The following ZNF469 variants were observed in gnomAD, a reference collection of about 807,000 sequenced individuals.
ZNF469 encodes zinc finger protein 469.
A neutral mutation model predicts 1.0 loss-of-function variants in ZNF469; 1 was observed. That is an observed-to-expected ratio of 1.00 (90% CI 0.35 to 4.73). The LOEUF is 4.73. ZNF469 is among the 30% of genes most tolerant of loss of function. The pLI is 0.16. For missense variants in ZNF469, 6,100 were observed against 5,356.3 expected (o/e 1.14, Z -4.33); for synonymous variants, 2,703 against 2,363.4 (o/e 1.14, Z -4.17).
chr16:88,381,244 AC>A (rs1401615942), upstream of ZNF469, among the ~76,000 whole-genome samples: 3 of 148,496 alleles, frequency 2.0e-5, no homozygotes, highest in African/African-American at 7.5e-5. Flanking sequence ...GCACTCACAG[AC>A]ATGCACTCAC....
chr16:88,434,545 G>C lies in ZNF469; in HGVS notation c.7075G>C (p.Gly2359Arg). The stretch of plus-strand genomic sequence containing the variant: ...TGAGCCTCCCACGCTACAGGGTGCA[G>C]GGCCGGACTCCCCCGCCTGCCTGGA... The part of the protein sequence containing the change: ...PTEPPTLQGA[G>R]PDSPACLEGE... Residue 2359 changes from glycine (G) to arginine (R), a missense_variant, in exon 3 of 3, where the codon GGG becomes CGG. Coordinates refer to ENST00000565624, the MANE Select transcript of ZNF469 (RefSeq NM_001367624.2). 1 of 1,550,368 alleles carries C rather than the reference G, an allele frequency of 6.5e-7. No individual in the cohort carries two copies. Among genetic ancestry groups the C allele is most frequent in the Non-Finnish European group, 8.7e-7 (1 of 1,146,966 alleles).
rs1218543335 is a variant in ZNF469 at position 88,429,812 on chromosome 16, G to A, written c.2342G>A (p.Arg781Lys). ...CTCCCCTCGCCCCCCGCTGCCCCCA[G>A]AGTCCCTGCCGACGCACACGCGGGC... Reference protein sequence around the residue: ...PGLPSPPAAPRVPADAHAGLL... With the variant: ...PGLPSPPAAPKVPADAHAGLL... Residue 781 changes from arginine to lysine, a missense_variant, in exon 3 of 3, where the codon AGA becomes AAA. Arg to Lys is a conservative substitution (Grantham distance 26). Transcript: ENST00000565624. 6.5e-7 allele frequency: 1 copy of A among 1,546,088 alleles called. No homozygotes were observed. The highest frequency in any genetic ancestry group is 2.5e-5 in the East Asian group (1 of 40,790).
Position 88,430,787 on chromosome 16 carries a change from C to CGCGGGGCCCCGGCTTCAGAGGCCG in ZNF469, c.3326_3349dup (p.Pro1109_Gly1116dup). On this transcript the variant is annotated inframe_insertion, in exon 3 of 3. Coordinates refer to ENST00000565624, the MANE Select transcript of ZNF469 (RefSeq NM_001367624.2). ...TCCGAGGAGGACGAGCAGCCTCCGCCGCGGGGCCCCGGCTTCAGAGGCCGG... is the reference window on the plus strand; with the variant it reads ...TCCGAGGAGGACGAGCAGCCTCCGCCGCGGGGCCCCGGCTTCAGAGGCCGGCGGGGCCCCGGCTTCAGAGGCCGG... The CGCGGGGCCCCGGCTTCAGAGGCCG allele has an allele frequency of 1.3e-6, 2 of 1,526,062 alleles. No individual in the cohort carries two copies. Among genetic ancestry groups the CGCGGGGCCCCGGCTTCAGAGGCCG allele is most frequent in the South Asian group, 1.2e-5 (1 of 83,168 alleles). 94.5% of individuals were successfully genotyped at this position (1,526,062 alleles called of 1,614,324 possible). A position where few individuals can be genotyped will look rare whatever the true frequency, so the allele number is the denominator to read the frequency against.
the ZNF469 span, among the ~76,000 whole-genome samples, chr16:88,254,586 C>T: frequency 7.2e-5 from 11 of 152,014 alleles, no homozygotes; most frequent in African/African-American, 2.4e-5. Flanking sequence ...GATGAAACCC[C>T]GTCTCTACTA....
Position 88,430,632 on chromosome 16 carries a change from C to A in ZNF469, c.3162C>A (p.Ile1054=). The change falls in exon 3 of 3, where the codon ATC becomes ATA. Residue 1054 remains isoleucine (I), a synonymous_variant. Coordinates refer to ENST00000565624, the MANE Select transcript of ZNF469 (RefSeq NM_001367624.2). The part of the protein sequence containing the change: ...GAWGKELILK[I]VQQKNRRHRR... ...GGGGCAAGGAGCTCATTCTGAAGAT[C>A]GTGCAGCAGAAGAACAGGCGCCACC... The A allele has an allele frequency of 2.0e-6, 3 of 1,499,044 alleles. No individual in the cohort carries two copies. The highest frequency in any genetic ancestry group is 2.1e-5 in the Admixed American group (1 of 47,440). 92.9% of individuals were successfully genotyped at this position (1,499,044 alleles called of 1,614,324 possible). A position where few individuals can be genotyped will look rare whatever the true frequency, so the allele number is the denominator to read the frequency against.
In ZNF469 at chr16:88,436,261, C is replaced by T; in HGVS notation, c.8791C>T (p.Pro2931Ser). ...CHEDPWEDED[P>S]AGLPESFLLD... Reference sequence around the variant, plus strand: ...TGAGGACCCGTGGGAGGACGAGGATCCCGCAGGTCTGCCCGAGTCCTTCCT... The same window carrying T: ...TGAGGACCCGTGGGAGGACGAGGATTCCGCAGGTCTGCCCGAGTCCTTCCT... Residue 2931 changes from proline to serine, a missense_variant, in exon 3 of 3, where the codon CCC (proline) becomes TCC (serine). Transcript: ENST00000565624. 6.5e-7 allele frequency: 1 copy of T among 1,549,900 alleles called. No homozygotes were observed. Among genetic ancestry groups the T allele is most frequent in the Non-Finnish European group, 8.7e-7 (1 of 1,146,876 alleles).
chr16:88,349,780 AGTGC>A, the ZNF469 span, among the ~76,000 whole-genome samples: 1 of 146,468 alleles, frequency 6.8e-6, no homozygotes, highest in Non-Finnish European at 1.5e-5. Context: ...CACCAACACA[AGTGC>A]ACACACACCA....
chr16:88,320,900 C>T, the ZNF469 span, among the ~76,000 whole-genome samples: 1 of 152,248 alleles, frequency 6.6e-6, no homozygotes, highest in Non-Finnish European at 1.5e-5. Flanking sequence ...CCCCCTCAGA[C>T]TCTGCAAGTG....
chr16:88,283,546 G>C, the ZNF469 span, among the ~76,000 whole-genome samples: 4 of 152,332 alleles, frequency 2.6e-5, no homozygotes, highest in East Asian at 7.7e-4. Flanking sequence ...CAACTTTTCT[G>C]TGTGTTTGAA....
At chr16:88,230,728 A>AC in the ZNF469 span, among the ~76,000 whole-genome samples, 4 of 58,300 alleles carry the variant, frequency 6.9e-5, no homozygotes, top group Non-Finnish European at 1.8e-4. Context: ...GCCTCCGGGG[A>AC]CCCCCCCTAG....
At chr16:88,240,964 C>T in the ZNF469 span, among the ~76,000 whole-genome samples, 2 of 152,232 alleles carry the variant, frequency 1.3e-5, no homozygotes, top group African/African-American at 4.8e-5. Context: ...GCGGAAACCC[C>T]ATCTTCCTGC....
At chr16:88,395,438 A>C (rs547462061) in intron 1 of ZNF469, among the ~76,000 whole-genome samples, 135 of 152,306 alleles carry the variant, frequency 8.9e-4, no homozygotes, top group Non-Finnish European at 1.6e-3. Flanking sequence ...TATTGTGTGT[A>C]TACTTATGTA....
chr16:88,199,941 C>G, the ZNF469 span, among the ~76,000 whole-genome samples: 1 of 152,208 alleles, frequency 6.6e-6, no homozygotes, highest in Non-Finnish European at 1.5e-5. Context: ...CCCTTCTCTA[C>G]CAGGCAGGGC....
Position 88,431,469 on chromosome 16 carries a change from C to G in ZNF469, c.3999C>G (p.Asn1333Lys), listed in dbSNP as rs1004296840. The change falls in exon 3 of 3, where the codon AAC (asparagine) becomes AAG (lysine). Residue 1333 changes from asparagine to lysine, a missense_variant. Physicochemically the swap from Asn to Lys is moderately conservative, Grantham distance 94. Coordinates refer to ENST00000565624, the MANE Select transcript of ZNF469 (RefSeq NM_001367624.2). ...GAGAATTTCTGGCACCCGTGGCTAA[C>G]CCCTCAAGTACCGCCTGCCCCAAAC... ...QPGEFLAPVA[N>K]PSSTACPKPS... 1.3e-6 allele frequency: 2 copies of G among 1,550,398 alleles called. No homozygotes were observed. Among genetic ancestry groups the G allele is most frequent in the Admixed American group, 3.9e-5 (2 of 51,016 alleles).
chr16:88,241,465 G>T, the ZNF469 span, among the ~76,000 whole-genome samples: 1 of 152,170 alleles, frequency 6.6e-6, no homozygotes, highest in Non-Finnish European at 1.5e-5. The surrounding 1 kb of genome is among the most constrained non-coding windows in gnomAD (Gnocchi z 4.8). Context: ...TGGTGGCTGA[G>T]CTCTGGGGAC....
the ZNF469 span, among the ~76,000 whole-genome samples, chr16:88,289,032 AATG>A: frequency 7.2e-3 from 1,094 of 151,064 alleles, 16 homozygotes; most frequent in African/African-American, 0.025. Context: ...TGAGGGTGAT[AATG>A]ATAACAGTGA....
chr16:88,428,900 C>T lies in ZNF469; in HGVS notation c.1430C>T (p.Pro477Leu), dbSNP rs1336355924. 2.5e-5 allele frequency: 39 copies of T among 1,546,900 alleles called. No homozygotes were observed. The Admixed American group carries it at 4.1e-4, about 16-fold the overall frequency. ...AGCCCAGGCCAGCGGCTCTGCCTCC[C>T]CCAGAGTGCCCCCCTGCCTTGGCCC... is the stretch of plus-strand genomic sequence containing the variant. ...QPSPGQRLCL[P>L]QSAPLPWPQV... is the part of the protein sequence containing the mutation. The change falls in exon 3 of 3, where the codon CCC becomes CTC. Residue 477 changes from proline to leucine, a missense_variant. Transcript: ENST00000565624.
chr16:88,393,432 G>C (rs2142266383), intron 1 of ZNF469, among the ~76,000 whole-genome samples: 1 of 152,340 alleles, frequency 6.6e-6, no homozygotes, highest in East Asian at 1.9e-4. Context: ...GTTTATGCCG[G>C]ACCGGTGCCT....
At chr16:88,228,731 G>T in the ZNF469 span, among the ~76,000 whole-genome samples, 1 of 152,170 alleles carries the variant, frequency 6.6e-6, no homozygotes. Context: ...GCCTTGCTTT[G>T]CTCCCCCTGT....
Sources: allele counts gnomAD v4.1 joint callset (sites outside exome capture counted in the v4.1 genomes callset), GRCh38; gene constraint gnomAD v4.1.1; non-coding constraint Gnocchi (gnomAD v3.1); transcripts MANE v1.5; gene names NCBI Gene and HGNC (gene_info 2026-07-23, HGNC 2026-07-21).